Variants in CCDC14 observed in about 807,000 individuals in gnomAD.
CCDC14 encodes coiled-coil domain containing 14, also known as coiled-coil domain-containing protein 14.
A neutral mutation model predicts 81.4 loss-of-function variants in CCDC14; 71 were observed. The observed-to-expected ratio is 0.87, with a 90% confidence interval of 0.72 to 1.06. The LOEUF (loss-of-function observed/expected upper bound fraction) is 1.06, where lower values mean the gene tolerates loss of function less well. Among genes scored for constraint, CCDC14 ranks in the 50% least tolerant of loss-of-function variants. The pLI, the probability that CCDC14 is intolerant of heterozygous loss-of-function variation, is 0.00. For missense variants in CCDC14, 1,046 were observed against 1,047.3 expected (o/e 1.00, Z 0.02); for synonymous variants, 332 against 364.8 (o/e 0.91, Z 1.03).
At chr3:123,898,733 A>G (rs1025100196) in intron 5 of CCDC14, among the ~76,000 whole-genome samples, 33 of 152,184 alleles carry the variant, frequency 2.2e-4, no homozygotes, top group African/African-American at 7.9e-4. Context: ...TGTCACCCAG[A>G]CTAGAGTGCA....
intron 5 of CCDC14, among the ~76,000 whole-genome samples, chr3:123,905,298 CT>C: frequency 6.6e-6 from 1 of 152,252 alleles, no homozygotes; most frequent in South Asian, 2.1e-4. Context: ...AGAAGGTGGG[CT>C]GGGGGACATC....
intron 5 of CCDC14, among the ~76,000 whole-genome samples, chr3:123,904,612 T>C (rs1041113542): frequency 1.3e-5 from 1 of 78,134 alleles, no homozygotes; most frequent in African/African-American, 3.8e-5. Flanking sequence ...CTTTTCATTG[T>C]GGAAAAAAAG....
chr3:123,925,527 C>T (rs999535911), intron 12 of CCDC14, among the ~76,000 whole-genome samples: 1 of 152,058 alleles, frequency 6.6e-6, no homozygotes, highest in African/African-American at 2.4e-5. Context: ...CCTCTGCCTC[C>T]TGGGTTCAAG....
rs778473628 is a variant in CCDC14, at chr3:123,915,006, C to T, written c.2491G>A (p.Ala831Thr). The change falls in exon 13 of 13, where the codon GCA becomes ACA. Residue 831 changes from alanine to threonine, a missense_variant. Transcript: ENST00000409697. ...AGACAACCTGATGGGCCATGACATGCAGTTTGTTCCTCTGGCTCCTTGGTG... is the reference window on the plus strand; with the variant it reads ...AGACAACCTGATGGGCCATGACATGTAGTTTGTTCCTCTGGCTCCTTGGTG... Reference protein sequence around the residue: ...AATKEPEEQTACHGPSGCLSN... With the variant: ...AATKEPEEQTTCHGPSGCLSN... The T allele has an allele frequency of 4.3e-6, 7 of 1,613,914 alleles. No individual in the cohort carries two copies. The South Asian group carries it at 5.5e-5, about 13-fold the overall frequency.
chr3:123,955,303 C>T (rs967025209), intron 5 of CCDC14: 4 of 151,982 alleles, frequency 2.6e-5, no homozygotes, highest in Non-Finnish European at 1.5e-5. Flanking sequence ...CTTTCTTGTT[C>T]TAAACTAGGA....
intron 5 of CCDC14, among the ~76,000 whole-genome samples, chr3:123,903,931 C>T (rs1346780486): frequency 1.3e-5 from 2 of 152,114 alleles, no homozygotes; most frequent in Non-Finnish European, 2.9e-5. Flanking sequence ...AGAGAAGGGT[C>T]TGTAGGACTG....
chr3:123,920,395 C>A (rs183382113), intron 12 of CCDC14, among the ~76,000 whole-genome samples: 102 of 152,168 alleles, frequency 6.7e-4, no homozygotes, highest in Admixed American at 1.1e-3. Flanking sequence ...AGGTACAGGA[C>A]GCTCAGAGGT....
chr3:123,888,456 G>C, the CCDC14 span, among the ~76,000 whole-genome samples: 1 of 152,300 alleles, frequency 6.6e-6, no homozygotes, highest in African/African-American at 2.4e-5. Flanking sequence ...TCCTGGCTCT[G>C]TTTCCCTCAC....
intron 5 of CCDC14, among the ~76,000 whole-genome samples, chr3:123,951,619 T>C (rs59829346): frequency 0.013 from 1,922 of 152,298 alleles, 50 homozygotes; most frequent in African/African-American, 0.043. Flanking sequence ...TTCCTTCTGC[T>C]CTTGGATTTC....
chr3:123,910,399 A>AGTGAGGGC (rs1270163267), downstream of CCDC14, among the ~76,000 whole-genome samples: 9 of 152,126 alleles, frequency 5.9e-5, no homozygotes, highest in Admixed American at 5.9e-4. Flanking sequence ...CTCACTGACA[A>AGTGAGGGC]ACCGGTGGAC....
chr3:123,924,122 G>T (rs555015601), intron 12 of CCDC14, among the ~76,000 whole-genome samples: 16 of 151,972 alleles, frequency 1.1e-4, no homozygotes, highest in Non-Finnish European at 1.5e-4. Flanking sequence ...AATGGAACAG[G>T]ACATAAATAA....
chr3:123,892,397 T>A (rs2034002640), downstream of CCDC14, among the ~76,000 whole-genome samples: 1 of 152,148 alleles, frequency 6.6e-6, no homozygotes, highest in East Asian at 1.9e-4. Context: ...AGCCAGGCCC[T>A]AGGCCTGGCC....
At chr3:123,936,731 A>G (rs779807440) in intron 9 of CCDC14, among the ~76,000 whole-genome samples, 8 of 152,054 alleles carry the variant, frequency 5.3e-5, no homozygotes, top group Non-Finnish European at 8.8e-5. Flanking sequence ...AGAAAAGATA[A>G]CTATTGTGTA....
At chr3:123,885,409 T>C in the CCDC14 span, among the ~76,000 whole-genome samples, 1 of 151,870 alleles carries the variant, frequency 6.6e-6, no homozygotes, top group Non-Finnish European at 1.5e-5. Context: ...CTGACTTTCA[T>C]GTAGTCACTT....
intron 5 of CCDC14, among the ~76,000 whole-genome samples, chr3:123,900,594 T>C (rs1171125341): frequency 6.6e-6 from 1 of 152,212 alleles, no homozygotes; most frequent in Admixed American, 6.5e-5. Flanking sequence ...TTCTTATGTT[T>C]ACATAATAAT....
intron 12 of CCDC14, among the ~76,000 whole-genome samples, chr3:123,926,664 A>G (rs1386633602): frequency 2.0e-5 from 3 of 151,626 alleles, no homozygotes; most frequent in Non-Finnish European, 2.9e-5. Context: ...AAGATCTGAA[A>G]AAAAAGTGAC....
chr3:123,936,386 T>C (rs547369325), intron 9 of CCDC14, among the ~76,000 whole-genome samples: 1 of 152,228 alleles, frequency 6.6e-6, no homozygotes, highest in East Asian at 1.9e-4. Context: ...CTTTTTTTTT[T>C]AGACAGCTTG....
chr3:123,930,114 G>A (rs556301155), intron 12 of CCDC14, among the ~76,000 whole-genome samples: 1 of 152,238 alleles, frequency 6.6e-6, no homozygotes, highest in South Asian at 2.1e-4. Context: ...TTAAATAAAA[G>A]TTTGAATGCA....
chr3:123,941,330 C>A (rs1035322828), intron 9 of CCDC14, among the ~76,000 whole-genome samples: 1 of 151,806 alleles, frequency 6.6e-6, no homozygotes, highest in South Asian at 2.1e-4. Context: ...AGAAACGATG[C>A]ATCTAGCTAT....
Sources: gnomAD v4.1 joint callset for allele counts (sites outside exome capture counted in the v4.1 genomes callset) on GRCh38, gnomAD v4.1.1 for gene constraint, MANE v1.5 for transcripts, NCBI Gene and HGNC (gene_info 2026-07-23, HGNC 2026-07-21) for gene names.